The following TH variants were observed in gnomAD, a reference collection of about 807,000 sequenced individuals.
TH encodes tyrosine hydroxylase.
Under a neutral mutation model 57.4 loss-of-function variants are expected in TH, and 49 were observed. That is an observed-to-expected ratio of 0.85 (90% CI 0.68 to 1.08). TH has a LOEUF of 1.08. Ranked by LOEUF, TH falls within the 50% of genes least tolerant of loss-of-function variation. TH has a pLI of 0.00. For missense variants in TH, 720 were observed against 696.7 expected (o/e 1.03, Z -0.38); for synonymous variants, 330 against 304.5 (o/e 1.08, Z -0.87).
In TH at chr11:2,169,760, G is replaced by C. The variant is rs372393199; in HGVS notation, c.202C>G (p.Leu68Val). 6.2e-7 allele frequency: 1 copy of C among 1,612,254 alleles called. No individual in the cohort carries two copies. The highest frequency in any genetic ancestry group is 8.5e-7 in the Non-Finnish European group (1 of 1,179,684). ...AAVPSEPGDP[L>V]EAVAFEEKEG... ...TTCTCCTCAAAGGCCACAGCCTCCA[G>C]GGGGTCCCCGGGCTCCGAGGGGACT... The change falls in exon 2 of 13, where the codon CTG becomes GTG. Residue 68 changes from leucine to valine, a missense_variant. By Grantham distance (32) the Leu-to-Val change is conservative (BLOSUM62 1). Transcript: ENST00000352909.
rs772061026 is a variant in TH, at chr11:2,168,142, C to A, written c.525G>T (p.Lys175Asn). The change falls in exon 4 of 13, where the codon AAG becomes AAT. Residue 175 changes from lysine to asparagine, a missense_variant. Physicochemically the swap from Lys to Asn is moderately conservative, Grantham distance 94 (BLOSUM62 0). Coordinates refer to ENST00000352909, the MANE Select transcript of TH (RefSeq NM_000360.4). Reference sequence around the variant, plus strand: ...CGAACTTGGTGACCAGGTGATGACACTTGTCCAGCTCTGACACTTTTCTTG... The same window carrying A: ...CGAACTTGGTGACCAGGTGATGACAATTGTCCAGCTCTGACACTTTTCTTG... ...WFPRKVSELD[K>N]CHHLVTKFDP... 2 of 1,613,592 alleles carry A rather than the reference C, an allele frequency of 1.2e-6. No homozygotes were observed. The highest frequency in any genetic ancestry group is 2.2e-5 in the South Asian group (2 of 91,084).
At chr11:2,168,826 T>A in intron 2 of TH, 161 bp from the exon 3 acceptor site, 1 of 938,110 alleles carries the variant, frequency 1.1e-6, no homozygotes, top group Non-Finnish European at 1.6e-6. Context: ...CAGGCTCAGG[T>A]CAGCTGTCGG....
chr11:2,165,671 G>A lies in TH; in HGVS notation c.1197C>T (p.Leu399=), dbSNP rs762263415. Reference sequence around the variant, plus strand: ...TGCAGCAAGGAGAGACTCTCACCAGGAGCTCCCCGTAGGAGGACAGCAGCC... The same window carrying A: ...TGCAGCAAGGAGAGACTCTCACCAGAAGCTCCCCGTAGGAGGACAGCAGCC... The part of the protein sequence containing the change: ...GAGLLSSYGE[L]LHCLSEEPEI... Residue 399 remains leucine, a synonymous_variant, in exon 11 of 13, where the codon CTC becomes CTT. Transcript: ENST00000352909. 4 of 1,612,582 alleles carry A rather than the reference G, an allele frequency of 2.5e-6. No homozygotes were observed. The South Asian group carries it at 4.4e-5, about 18-fold the overall frequency.
Position 2,170,006 on chromosome 11 carries a change from C to T in TH, c.91-135G>A. ...ATGAGAGCACGTTTTTGAGCGCCTA[C>T]TGTGTGCCTGCTGGGGCAGATGCTA... On this transcript the variant is annotated intron_variant, in intron 1 of 12. Transcript: ENST00000352909. This position sits in a 1 kb window ranked among gnomAD's most constrained non-coding sequence, Gnocchi z 6.0. 1.1e-6 allele frequency: 1 copy of T among 916,306 alleles called. No individual in the cohort carries two copies. Among genetic ancestry groups the T allele is most frequent in the Non-Finnish European group, 1.7e-6 (1 of 584,008 alleles). 56.8% of individuals were successfully genotyped at this position (916,306 alleles called of 1,614,324 possible).
At chr11:2,168,953 G>T (rs1182025063) in intron 2 of TH, among the ~76,000 whole-genome samples, 1 of 152,184 alleles carries the variant, frequency 6.6e-6, no homozygotes, top group Non-Finnish European at 1.5e-5. Flanking sequence ...GTGTCCCAAG[G>T]CCATGCCACA....
chr11:2,168,664 G>A lies in TH; in HGVS notation c.314C>T (p.Thr105Met), dbSNP rs901248173. The A allele has an allele frequency of 1.1e-5, 16 of 1,445,224 alleles. No individual in the cohort carries two copies. Among genetic ancestry groups the A allele is most frequent in the Non-Finnish European group, 1.2e-5 (13 of 1,075,664 alleles). 89.5% of individuals were successfully genotyped at this position (1,445,224 alleles called of 1,614,324 possible). ...TAGATGGTGGATTTTGGCTTCAAAC[G>A]TCTTAGGGAGCAAAAGCAGGAAGAG... The part of the protein sequence containing the change: ...ALSRAVKVFE[T>M]FEAKIHHLET... The change falls in exon 3 of 13, where the codon ACG (threonine) becomes ATG (methionine). Residue 105 changes from threonine to methionine, a missense_variant and splice_region_variant. By Grantham distance (81) the Thr-to-Met change is moderately conservative. Coordinates refer to ENST00000352909, the MANE Select transcript of TH (RefSeq NM_000360.4).
In TH at chr11:2,167,907, C is replaced by T; in HGVS notation, c.603G>A (p.Gln201=). Residue 201 remains glutamine, a synonymous_variant, in exon 5 of 13, where the codon CAG becomes CAA. Transcript: ENST00000352909. Reference sequence around the variant, plus strand: ...CGATCTCAGCAATCAGCTTCCTGCGCTGGCGGTACACCTGGTCCGAGAAGC... The same window carrying T: ...CGATCTCAGCAATCAGCTTCCTGCGTTGGCGGTACACCTGGTCCGAGAAGC... ...HPGFSDQVYR[Q]RRKLIAEIAF... 6.2e-7 allele frequency: 1 copy of T among 1,611,358 alleles called. No homozygotes were observed. The highest frequency in any genetic ancestry group is 1.1e-5 in the South Asian group (1 of 90,716).
rs1330998143 is a variant in TH at position 2,170,690 on chromosome 11, C to T, written c.91-819G>A. On this transcript the variant is annotated intron_variant, in intron 1 of 12. Transcript: ENST00000352909. The surrounding 1 kb of genome is among the most constrained non-coding windows in gnomAD (Gnocchi z 6.0). Reference sequence around the variant, plus strand: ...CCTCCCAGAGTCCCCTCTTACTTACCCTTGGGGTGGGGGTGTAGGATGCAG... The same window carrying T: ...CCTCCCAGAGTCCCCTCTTACTTACTCTTGGGGTGGGGGTGTAGGATGCAG... 2.5e-6 allele frequency: 4 copies of T among 1,604,224 alleles called. No homozygotes were observed. The highest frequency in any genetic ancestry group is 3.4e-5 in the Admixed American group (2 of 58,854).
chr11:2,167,259 C>A, intron 6 of TH, 176 bp downstream of exon 6: 1 of 963,784 alleles, frequency 1.0e-6, no homozygotes, highest in Non-Finnish European at 1.6e-6. Context: ...GATGGCCCGA[C>A]AGGATGGGTA....
chr11:2,168,367 G>A, intron 3 of TH, 124 bp downstream of exon 3: 1 of 1,423,294 alleles, frequency 7.0e-7, no homozygotes, highest in South Asian at 1.2e-5. Flanking sequence ...GGTGCGGAGT[G>A]GAGCCCGCAG....
At position 2,166,557 on chromosome 11, in the gene TH, T is replaced by G. The variant is rs1846096199; in HGVS notation, c.978-8A>C. ...AGCTCGTGGCAGCAGTCCCTGCGCG[T>G]AGGAGGGAGAAGGGGGCTGAGGGGC... On this transcript the variant is annotated splice_polypyrimidine_tract_variant and splice_region_variant and intron_variant, in intron 8 of 12. Coordinates refer to ENST00000352909, the MANE Select transcript of TH (RefSeq NM_000360.4). The G allele has an allele frequency of 1.9e-6, 3 of 1,600,130 alleles. No homozygotes were observed. Among genetic ancestry groups the G allele is most frequent in the Non-Finnish European group, 2.6e-6 (3 of 1,175,492 alleles).
intron 11 of TH, 37 bp downstream of exon 11, chr11:2,165,631 C>A (rs1375456295): frequency 2.5e-6 from 4 of 1,601,658 alleles, no homozygotes; most frequent in Non-Finnish European, 3.4e-6. Context: ...CCAGCCCTGC[C>A]CCTCTGCTGG....
rs1171909694 is a variant in TH, at chr11:2,168,139, A to G, written c.528T>C (p.Cys176=). Reference sequence around the variant, plus strand: ...GGTCGAACTTGGTGACCAGGTGATGACACTTGTCCAGCTCTGACACTTTTC... The same window carrying G: ...GGTCGAACTTGGTGACCAGGTGATGGCACTTGTCCAGCTCTGACACTTTTC... ...FPRKVSELDK[C]HHLVTKFDPD... Residue 176 remains cysteine (C), a synonymous_variant, in exon 4 of 13, where the codon TGT becomes TGC. Coordinates refer to ENST00000352909, the MANE Select transcript of TH (RefSeq NM_000360.4). The G allele has an allele frequency of 6.2e-7, 1 of 1,613,442 alleles. No homozygotes were observed. The highest frequency in any genetic ancestry group is 1.3e-5 in the African/African-American group (1 of 74,900).
At position 2,170,559 on chromosome 11, in the gene TH, C is replaced by T. The variant is rs1222004182; in HGVS notation, c.91-688G>A. On this transcript the variant is annotated intron_variant, in intron 1 of 12. Transcript: ENST00000352909. This position sits in a 1 kb window ranked among gnomAD's most constrained non-coding sequence, Gnocchi z 6.0. ...ACTTGGCAGACACCTGGGGCTCATCCCTTGGAGCTGAACTCCCAAGAAGGC... is the reference window on the plus strand; with the variant it reads ...ACTTGGCAGACACCTGGGGCTCATCTCTTGGAGCTGAACTCCCAAGAAGGC... 12 of 856,252 alleles carry T rather than the reference C, an allele frequency of 1.4e-5. No individual in the cohort carries two copies. The highest frequency in any genetic ancestry group is 2.1e-5 in the Non-Finnish European group (11 of 522,436). 53.0% of individuals were successfully genotyped at this position (856,252 alleles called of 1,614,324 possible).
At chr11:2,168,203 A>C in intron 3 of TH, 24 bp from the exon 4 acceptor site, 1 of 1,610,118 alleles carries the variant, frequency 6.2e-7, no homozygotes, top group Non-Finnish European at 8.5e-7. Flanking sequence ...GGAGGAAGAG[A>C]TCTTGGTGAG....
rs553147237 is a variant in TH, at chr11:2,165,271, A to T, written c.1295T>A (p.Phe432Tyr). ...GGCGTCACTGAAGCTCTCAGACACG[A>T]AGTAGACTGACTGGTACGTCTGGTC... Reference protein sequence around the residue: ...YQDQTYQSVYFVSESFSDAKD... With the variant: ...YQDQTYQSVYYVSESFSDAKD... The change falls in exon 12 of 13, where the codon TTC becomes TAC. Residue 432 changes from phenylalanine to tyrosine, a missense_variant. Transcript: ENST00000352909. 1 of 1,612,898 alleles carries T rather than the reference A, an allele frequency of 6.2e-7. No individual in the cohort carries two copies. The highest frequency in any genetic ancestry group is 8.5e-7 in the Non-Finnish European group (1 of 1,179,988).
At chr11:2,166,214 G>A (rs1452633970) in intron 9 of TH, 156 bp from the exon 10 acceptor site, 7 of 920,824 alleles carry the variant, frequency 7.6e-6, no homozygotes, top group African/African-American at 1.6e-5. Flanking sequence ...CACCTCCACC[G>A]GGCCTCCTCC....
At chr11:2,168,344 T>G in intron 3 of TH, 147 bp downstream of exon 3, 1 of 1,357,408 alleles carries the variant, frequency 7.4e-7, no homozygotes, top group Non-Finnish European at 1.0e-6. Context: ...GACACGGATG[T>G]GTAGCAAAAC....
Position 2,166,701 on chromosome 11 carries a change from C to G in TH, c.909G>C (p.Leu303=), listed in dbSNP as rs1308133833. The G allele has an allele frequency of 2.6e-6, 4 of 1,554,476 alleles. No homozygotes were observed. The highest frequency in any genetic ancestry group is 3.5e-6 in the Non-Finnish European group (4 of 1,149,368). ...LLSARDFLAS[L]AFRVFQCTQY... Reference sequence around the variant, plus strand: ...GGGTGCACTGGAACACGCGGAAGGCCAGGCTGGCCAGGAAGTCCCGGGCGG... The same window carrying G: ...GGGTGCACTGGAACACGCGGAAGGCGAGGCTGGCCAGGAAGTCCCGGGCGG... The change falls in exon 8 of 13, where the codon CTG becomes CTC. Residue 303 remains leucine (L), a synonymous_variant. Coordinates refer to ENST00000352909, the MANE Select transcript of TH (RefSeq NM_000360.4).
Sources: allele counts gnomAD v4.1 joint callset (sites outside exome capture counted in the v4.1 genomes callset), GRCh38; gene constraint gnomAD v4.1.1; non-coding constraint Gnocchi (gnomAD v3.1); transcripts MANE v1.5; gene names NCBI Gene and HGNC (gene_info 2026-07-23, HGNC 2026-07-21).